FAM162B: variants seen among roughly 807,000 people sequenced by gnomAD.
FAM162B encodes the protein protein FAM162B.
A neutral mutation model predicts 20.0 loss-of-function variants in FAM162B; 16 were observed. The ratio of observed to expected loss-of-function variants is 0.80; its 90% CI spans 0.54 to 1.21. The LOEUF (loss-of-function observed/expected upper bound fraction) is 1.21. Among genes scored for constraint, FAM162B ranks in the 50% most tolerant of loss-of-function variants. The pLI, the probability that FAM162B is intolerant of heterozygous loss-of-function variation, is 0.00. For missense variants in FAM162B, 260 were observed against 227.5 expected, an observed-to-expected ratio of 1.14 and a Z score of -0.92; for synonymous variants, 83 against 89.7, an observed-to-expected ratio of 0.93 and a Z score of 0.42.
chr6:116,761,997 C>G lies in FAM162B; in HGVS notation c.370G>C (p.Val124Leu). 1.2e-6 allele frequency: 2 copies of G among 1,600,946 alleles called. No individual in the cohort carries two copies. The highest frequency in any genetic ancestry group is 1.7e-6 in the Non-Finnish European group (2 of 1,170,148). Reference sequence around the variant, plus strand: ...CTCACCCTTTTGGCTGACACTATCACAGCAAAGCAGGCGATAATTGTGAGT... The same window carrying G: ...CTCACCCTTTTGGCTGACACTATCAGAGCAAAGCAGGCGATAATTGTGAGT... Reference protein sequence around the residue: ...IGLTIIACFAVIVSAKRAVER... With the variant: ...IGLTIIACFALIVSAKRAVER... The change falls in exon 3 of 4, where the codon GTG becomes CTG. Residue 124 changes from valine to leucine, a missense_variant. Coordinates refer to ENST00000368557, the MANE Select transcript of FAM162B (RefSeq NM_001085480.3).
chr6:116,754,261 C>A lies in FAM162B; in HGVS notation c.391-1566G>T, dbSNP rs535435318. On this transcript the variant is annotated intron_variant, in intron 3 of 3. Coordinates refer to ENST00000368557, the MANE Select transcript of FAM162B (RefSeq NM_001085480.3). Reference sequence around the variant, plus strand: ...CTCAACCTAGACATAGTTTTAGCAGCTCCAGTAGATTGAACTCAGATTGAG... The same window carrying A: ...CTCAACCTAGACATAGTTTTAGCAGATCCAGTAGATTGAACTCAGATTGAG... Among the ~76,000 whole-genome samples, 12 of 152,226 alleles carry A rather than the reference C, an allele frequency of 7.9e-5. No homozygotes were observed. In the South Asian group the frequency reaches 2.5e-3, roughly 32 times the overall value.
intron 3 of FAM162B, among the ~76,000 whole-genome samples, chr6:116,760,264 G>A (rs1293882722): frequency 6.6e-6 from 1 of 152,084 alleles, no homozygotes; most frequent in Non-Finnish European, 1.5e-5. Flanking sequence ...GCTACTTTTT[G>A]TGTCAGATTC....
At chr6:116,760,017 C>G (rs1435633876) in intron 3 of FAM162B, among the ~76,000 whole-genome samples, 2 of 152,150 alleles carry the variant, frequency 1.3e-5, no homozygotes, top group Non-Finnish European at 2.9e-5. Context: ...ACTAAGAATT[C>G]CTCAGATCTT....
chr6:116,756,615 T>C (rs998278064), intron 3 of FAM162B, among the ~76,000 whole-genome samples: 1 of 152,188 alleles, frequency 6.6e-6, no homozygotes, highest in Admixed American at 6.5e-5. Flanking sequence ...TCAAACAGCA[T>C]TGCCTGCTAC....
At chr6:116,765,126 C>T (rs761334207) in intron 2 of FAM162B, 21 bp downstream of exon 2, 1 of 1,609,068 alleles carries the variant, frequency 6.2e-7, no homozygotes, top group Admixed American at 1.7e-5. Flanking sequence ...CTCTCCTTCG[C>T]GCGGCGGTCG....
chr6:116,758,066 C>T (rs1318972822), intron 3 of FAM162B, among the ~76,000 whole-genome samples: 1 of 152,012 alleles, frequency 6.6e-6, no homozygotes, highest in East Asian at 1.9e-4. Context: ...CAACTAATGA[C>T]GAGCAAATAA....
chr6:116,757,428 G>A (rs1038666160), intron 3 of FAM162B, among the ~76,000 whole-genome samples: 1 of 152,076 alleles, frequency 6.6e-6, no homozygotes, highest in Non-Finnish European at 1.5e-5. Flanking sequence ...TAGGGAAAAT[G>A]TTTTTGTGTC....
At chr6:116,764,414 A>C (rs986502019) in intron 2 of FAM162B, among the ~76,000 whole-genome samples, 2 of 152,180 alleles carry the variant, frequency 1.3e-5, no homozygotes, top group Non-Finnish European at 2.9e-5. Context: ...TGGGCTTGGC[A>C]GAAACAGAAA....
Position 116,752,611 on chromosome 6 carries a change from C to T in FAM162B, c.475G>A (p.Ala159Thr), listed in dbSNP as rs1780003350. The T allele has an allele frequency of 6.3e-7, 1 of 1,590,348 alleles. No homozygotes were observed. The stretch of plus-strand genomic sequence containing the variant: ...CACTTAGAATATCATTTAGCTTTAG[C>T]CTGTGCAGCCAATGCAGCTTCTTCA... The part of the protein sequence containing the change: ...WREEAALAAQ[A>T]KAK The change falls in exon 4 of 4, where the codon GCT (alanine) becomes ACT (threonine). Residue 159 changes from alanine to threonine, a missense_variant. Ala to Thr is a moderately conservative substitution (Grantham distance 58). Transcript: ENST00000368557.
chr6:116,765,417 G>C lies in FAM162B; in HGVS notation c.160C>G (p.Pro54Ala). 1 of 1,453,670 alleles carries C rather than the reference G, an allele frequency of 6.9e-7. No homozygotes were observed. Among genetic ancestry groups the C allele is most frequent in the Non-Finnish European group, 9.1e-7 (1 of 1,101,524 alleles). 90.0% of individuals were successfully genotyped at this position (1,453,670 alleles called of 1,614,324 possible). The change falls in exon 1 of 4, where the codon CCC (proline) becomes GCC (alanine). Residue 54 changes from proline (P) to alanine (A), a missense_variant. By Grantham distance (27) the Pro-to-Ala change is conservative (BLOSUM62 -1). Coordinates refer to ENST00000368557, the MANE Select transcript of FAM162B (RefSeq NM_001085480.3). ...SSGGAPSNSGPQGHGEIHRVP... is the reference protein window; with the variant it reads ...SSGGAPSNSGAQGHGEIHRVP... ...AGCCCTGGCTCACCGTGACCTTGGGGCCCAGAATTGCTGGGGGCCCCGCCG... is the reference window on the plus strand; with the variant it reads ...AGCCCTGGCTCACCGTGACCTTGGGCCCCAGAATTGCTGGGGGCCCCGCCG...
At chr6:116,761,933 T>G in intron 3 of FAM162B, 44 bp downstream of exon 3, 1 of 1,423,436 alleles carries the variant, frequency 7.0e-7, no homozygotes, top group Non-Finnish European at 9.7e-7. Flanking sequence ...TAAAAAGAGG[T>G]ACTTACCCTT....
rs748170017 is a variant in FAM162B at position 116,752,563 on chromosome 6, T to C, written c.*34A>G. 8.5e-6 allele frequency: 10 copies of C among 1,178,488 alleles called. No homozygotes were observed. Among genetic ancestry groups the C allele is most frequent in the Non-Finnish European group, 1.2e-5 (10 of 834,104 alleles). The allele number at this position is 1,178,488 out of a possible 1,614,324, so 73.0% of individuals were successfully genotyped here. A position where few individuals can be genotyped will look rare whatever the true frequency, so the allele number is the denominator to read the frequency against. ...CTTCTACTGTTGCTGATGACAGGGA[T>C]GGTATTCAGGTGAACACTTTGTCAC... On this transcript the variant is annotated 3_prime_UTR_variant, in exon 4 of 4. Transcript: ENST00000368557.
intron 2 of FAM162B, among the ~76,000 whole-genome samples, chr6:116,763,093 A>G (rs1038541514): frequency 4.6e-5 from 7 of 152,030 alleles, no homozygotes; most frequent in African/African-American, 1.4e-4. Flanking sequence ...TATCTAGCCT[A>G]TTTTCTTTAG....
At chr6:116,761,535 T>C (rs1780141738) in intron 3 of FAM162B, among the ~76,000 whole-genome samples, 1 of 151,482 alleles carries the variant, frequency 6.6e-6, no homozygotes, top group Admixed American at 6.6e-5. Context: ...AAAACAAGCA[T>C]TTGTCCCTCC....
intron 3 of FAM162B, among the ~76,000 whole-genome samples, chr6:116,757,990 G>T (rs1386446606): frequency 6.6e-6 from 1 of 152,088 alleles, no homozygotes; most frequent in Non-Finnish European, 1.5e-5. Flanking sequence ...TTTGTTTTTG[G>T]TTTTGAAGAG....
At chr6:116,752,991 T>A (rs2114545641) in intron 3 of FAM162B, among the ~76,000 whole-genome samples, 1 of 151,922 alleles carries the variant, frequency 6.6e-6, no homozygotes, top group East Asian at 1.9e-4. Flanking sequence ...AAGTCCTTAG[T>A]AAAATAAATA....
chr6:116,753,123 A>C (rs1780011392), intron 3 of FAM162B, among the ~76,000 whole-genome samples: 1 of 152,008 alleles, frequency 6.6e-6, no homozygotes, highest in Admixed American at 6.6e-5. Flanking sequence ...ACACATCTCA[A>C]TAAATGGCAG....
At chr6:116,755,414 G>A (rs1258292773) in intron 3 of FAM162B, among the ~76,000 whole-genome samples, 1 of 152,160 alleles carries the variant, frequency 6.6e-6, no homozygotes, top group Non-Finnish European at 1.5e-5. Flanking sequence ...GAGAGAGGTG[G>A]GAAAGCAGTA....
intron 3 of FAM162B, among the ~76,000 whole-genome samples, chr6:116,757,125 G>A (rs2114548556): frequency 6.6e-6 from 1 of 152,222 alleles, no homozygotes; most frequent in African/African-American, 2.4e-5. Flanking sequence ...GAATAAAATA[G>A]CTGAAGAACA....
Sources: allele counts gnomAD v4.1 joint callset (sites outside exome capture counted in the v4.1 genomes callset), GRCh38; gene constraint gnomAD v4.1.1; transcripts MANE v1.5; gene names NCBI Gene and HGNC (gene_info 2026-07-23, HGNC 2026-07-21).